Variants in ME1 observed in about 807,000 individuals in gnomAD.
ME1 encodes the protein NADP-dependent malic enzyme.
A neutral mutation model predicts 66.4 loss-of-function variants in ME1; 74 were observed. That is an observed-to-expected ratio of 1.11 (90% CI 0.92 to 1.35). ME1 has a LOEUF of 1.35. Ranked by LOEUF, ME1 falls within the 40% of genes most tolerant of loss-of-function variation. The pLI, the probability that ME1 is intolerant of heterozygous loss-of-function variation, is 0.00. For missense variants in ME1, 750 were observed against 694.1 expected (o/e 1.08, Z -0.90); for synonymous variants, 251 against 235.6 (o/e 1.07, Z -0.60).
At chr6:83,371,027 A>G (rs1263649993) in intron 3 of ME1, among the ~76,000 whole-genome samples, 2 of 152,196 alleles carry the variant, frequency 1.3e-5, no homozygotes, top group African/African-American at 2.4e-5. Context: ...CAATGTTCAC[A>G]TGAAATTTAC....
chr6:83,343,451 C>T (rs1007521560), intron 5 of ME1, among the ~76,000 whole-genome samples: 1 of 152,170 alleles, frequency 6.6e-6, no homozygotes, highest in African/African-American at 2.4e-5. Context: ...TAAAGGTTCA[C>T]CATTCACTTA....
At chr6:83,323,910 A>T (rs1768231514) in intron 5 of ME1, among the ~76,000 whole-genome samples, 1 of 152,170 alleles carries the variant, frequency 6.6e-6, no homozygotes, top group Non-Finnish European at 1.5e-5. Flanking sequence ...CACAGCACTT[A>T]TTCTAAAATT....
At chr6:83,280,658 T>A (rs1767271022) in intron 6 of ME1, among the ~76,000 whole-genome samples, 1 of 152,198 alleles carries the variant, frequency 6.6e-6, no homozygotes, top group African/African-American at 2.4e-5. Context: ...TTTGGCAAGA[T>A]GGTAAATAAA....
chr6:83,398,214 A>G (rs1769775720), intron 3 of ME1, among the ~76,000 whole-genome samples, 153 bp downstream of exon 3: 1 of 152,224 alleles, frequency 6.6e-6, no homozygotes, highest in African/African-American at 2.4e-5. Context: ...CCATTTCACA[A>G]TGTATACATG....
chr6:83,397,287 CAAAT>C (rs1769751673), intron 3 of ME1, among the ~76,000 whole-genome samples: 1 of 152,094 alleles, frequency 6.6e-6, no homozygotes. Flanking sequence ...AACAAGAAAA[CAAAT>C]AACCTGTTCT....
chr6:83,212,242 A>G (rs1269942611), intron 13 of ME1, 148 bp from the exon 14 acceptor site: 7 of 495,532 alleles, frequency 1.4e-5, no homozygotes, highest in African/African-American at 1.4e-4. Context: ...CATATAAGCA[A>G]TGAAGATATA....
chr6:83,297,751 C>T (rs1451400445), intron 6 of ME1, among the ~76,000 whole-genome samples: 1 of 152,130 alleles, frequency 6.6e-6, no homozygotes, highest in Non-Finnish European at 1.5e-5. Flanking sequence ...TGCCCCGACA[C>T]CCGACAGGCC....
chr6:83,330,739 A>G lies in ME1; in HGVS notation c.601-15326T>C, dbSNP rs192199866. Among the ~76,000 whole-genome samples the G allele has an allele frequency of 1.5e-3, 221 of 152,318 alleles. 2 individuals are homozygous for G. Among genetic ancestry groups the G allele is most frequent in the Admixed American group, 0.01 (158 of 15,306 alleles). The stretch of plus-strand genomic sequence containing the variant: ...TAGTGTGCATAAAATCAAACTAAAG[A>G]AAGACCCCATTCTCTTTCCCAAGGC... On this transcript the variant is annotated intron_variant, in intron 5 of 13. Transcript: ENST00000369705.
rs1420880556 is a variant in ME1 at position 83,263,067 on chromosome 6, G to GT, written c.705-9330dup. Among the ~76,000 whole-genome samples, 6 of 152,100 alleles carry GT rather than the reference G, an allele frequency of 3.9e-5. No individual in the cohort carries two copies. The East Asian group carries it at 1.2e-3, about 29-fold the overall frequency. On this transcript the variant is annotated intron_variant, in intron 6 of 13. Transcript: ENST00000369705. ...CACTTTGTGTCTCTGTCACATTTTG[G>GT]TAATGCTCCCAATATTTCAAACTTT...
At chr6:83,286,895 G>A (rs551208612) in intron 6 of ME1, among the ~76,000 whole-genome samples, 3 of 152,096 alleles carry the variant, frequency 2.0e-5, no homozygotes, top group South Asian at 2.1e-4. Flanking sequence ...TACCCTTTCC[G>A]TAAAAGCAGC....
At chr6:83,325,604 T>G (rs939999001) in intron 5 of ME1, among the ~76,000 whole-genome samples, 1 of 152,068 alleles carries the variant, frequency 6.6e-6, no homozygotes, top group Non-Finnish European at 1.5e-5. Context: ...ATGAGTGAAC[T>G]CCCATTCACA....
chr6:83,392,337 G>T (rs1375474428), intron 3 of ME1: 3 of 517,752 alleles, frequency 5.8e-6, no homozygotes, highest in Admixed American at 4.0e-5. Flanking sequence ...TCTGCCCATG[G>T]CAAATTCCAT....
At chr6:83,362,071 G>A (rs1207025219) in intron 3 of ME1, among the ~76,000 whole-genome samples, 2 of 152,234 alleles carry the variant, frequency 1.3e-5, no homozygotes, top group Non-Finnish European at 2.9e-5. Flanking sequence ...GACAGCTACA[G>A]CACTACAGCC....
chr6:83,283,404 C>CGA (rs1241839510), intron 6 of ME1, among the ~76,000 whole-genome samples: 1 of 151,424 alleles, frequency 6.6e-6, no homozygotes, highest in East Asian at 1.9e-4. Flanking sequence ...GGTAACATCA[C>CGA]ACACCAGGAC....
intron 6 of ME1, among the ~76,000 whole-genome samples, chr6:83,281,156 T>A (rs971161737): frequency 1.3e-5 from 2 of 152,136 alleles, no homozygotes; most frequent in Non-Finnish European, 2.9e-5. Flanking sequence ...TGTGAAAAAA[T>A]ACTTCAAAGC....
chr6:83,350,014 T>C (rs1768767053), intron 4 of ME1, among the ~76,000 whole-genome samples: 1 of 152,208 alleles, frequency 6.6e-6, no homozygotes, highest in African/African-American at 2.4e-5. Flanking sequence ...TATTCCAGCC[T>C]TCTCTAAATA....
At chr6:83,235,934 A>G (rs1037293317) in intron 9 of ME1, among the ~76,000 whole-genome samples, 1 of 152,116 alleles carries the variant, frequency 6.6e-6, no homozygotes, top group Non-Finnish European at 1.5e-5. Flanking sequence ...TTAAAGGAAC[A>G]GATTACTAAA....
At chr6:83,359,684 G>C (rs1433159473) in intron 3 of ME1, among the ~76,000 whole-genome samples, 2 of 152,182 alleles carry the variant, frequency 1.3e-5, no homozygotes, top group East Asian at 3.9e-4. Flanking sequence ...GTGGTGGAAT[G>C]GATTAGTCAC....
chr6:83,231,575 C>T (rs890141717), intron 9 of ME1, among the ~76,000 whole-genome samples: 5 of 152,220 alleles, frequency 3.3e-5, no homozygotes, highest in African/African-American at 1.2e-4. Flanking sequence ...TTTTCTAAAT[C>T]CGGTAATACT....
Sources: gnomAD v4.1 joint callset for allele counts (sites outside exome capture counted in the v4.1 genomes callset) on GRCh38, gnomAD v4.1.1 for gene constraint, MANE v1.5 for transcripts, NCBI Gene and HGNC (gene_info 2026-07-23, HGNC 2026-07-21) for gene names.